The following AGBL4 variants were observed in gnomAD, a reference collection of about 807,000 sequenced individuals.
AGBL4 encodes AGBL carboxypeptidase 4.
A neutral mutation model predicts 66.4 loss-of-function variants in AGBL4; 58 were observed. The ratio of observed to expected loss-of-function variants is 0.87; its 90% CI spans 0.71 to 1.09. AGBL4 has a LOEUF of 1.09. AGBL4 is among the 50% of genes least tolerant of loss of function. The pLI is 0.00. For synonymous variants in AGBL4, 234 were observed against 222.9 expected (o/e 1.05, Z -0.44); for missense variants, 579 against 631.0 (o/e 0.92, Z 0.88).
chr1:49,255,370 G>A (rs182964706), intron 3 of AGBL4, among the ~76,000 whole-genome samples: 29 of 152,110 alleles, frequency 1.9e-4, no homozygotes, highest in South Asian at 1.0e-3. Flanking sequence ...AAGATTACAC[G>A]CTTTTCAAAA....
At chr1:49,324,725 A>C (rs1352753108) in intron 3 of AGBL4, among the ~76,000 whole-genome samples, 4 of 152,184 alleles carry the variant, frequency 2.6e-5, no homozygotes, top group Non-Finnish European at 5.9e-5. Context: ...AAATCTCTAA[A>C]TATCAGCTCC....
chr1:49,920,632 C>G (rs980915926), intron 1 of AGBL4, among the ~76,000 whole-genome samples: 4 of 152,120 alleles, frequency 2.6e-5, no homozygotes, highest in African/African-American at 7.2e-5. Flanking sequence ...AACACTTTTA[C>G]ACTCTTGGTG....
chr1:48,732,350 C>T (rs1391229182), intron 6 of AGBL4, among the ~76,000 whole-genome samples: 1 of 152,170 alleles, frequency 6.6e-6, no homozygotes, highest in Non-Finnish European at 1.5e-5. Flanking sequence ...GAGTCAAATA[C>T]AGATTTGGGA....
intron 11 of AGBL4, among the ~76,000 whole-genome samples, chr1:48,560,036 T>A (rs987824502): frequency 6.6e-6 from 1 of 152,156 alleles, no homozygotes; most frequent in African/African-American, 2.4e-5. Flanking sequence ...AGGCTTAGCC[T>A]AGAAGCTACC....
chr1:48,857,789 G>C (rs1333113920), intron 6 of AGBL4, among the ~76,000 whole-genome samples: 1 of 151,868 alleles, frequency 6.6e-6, no homozygotes, highest in African/African-American at 2.4e-5. Context: ...TCTTAGATAT[G>C]ATATAAAAAT....
At chr1:49,877,888 G>T (rs984871916) in intron 1 of AGBL4, among the ~76,000 whole-genome samples, 3 of 152,040 alleles carry the variant, frequency 2.0e-5, no homozygotes, top group Non-Finnish European at 4.4e-5. Context: ...TTAGTCTTGG[G>T]AGAGTGTATG....
intron 4 of AGBL4, among the ~76,000 whole-genome samples, chr1:49,181,129 A>G (rs1274491454): frequency 6.6e-6 from 1 of 152,104 alleles, no homozygotes; most frequent in African/African-American, 2.4e-5. Flanking sequence ...CCCTCTACCC[A>G]GACAAACCAA....
chr1:48,641,410 T>C (rs1301797803), intron 8 of AGBL4, among the ~76,000 whole-genome samples: 1 of 152,148 alleles, frequency 6.6e-6, no homozygotes, highest in Non-Finnish European at 1.5e-5. Context: ...CACCAAGATA[T>C]TTAAAGCATT....
intron 3 of AGBL4, among the ~76,000 whole-genome samples, chr1:49,658,333 G>T (rs1030860303): frequency 6.6e-6 from 1 of 152,170 alleles, no homozygotes; most frequent in African/African-American, 2.4e-5. Flanking sequence ...AGTTAGAAGG[G>T]TGATCATTAA....
intron 4 of AGBL4, among the ~76,000 whole-genome samples, chr1:49,115,248 T>C (rs1175246010): frequency 6.6e-6 from 1 of 152,170 alleles, no homozygotes; most frequent in African/African-American, 2.4e-5. Context: ...ATTTTACAGA[T>C]GGGAACTTGT....
intron 6 of AGBL4, among the ~76,000 whole-genome samples, chr1:48,854,566 G>T (rs1468676693): frequency 1.3e-5 from 2 of 152,128 alleles, no homozygotes; most frequent in Non-Finnish European, 2.9e-5. Flanking sequence ...AATGGCCACA[G>T]AGATAGTCAC....
chr1:49,062,585 G>A (rs1301778544), intron 4 of AGBL4, among the ~76,000 whole-genome samples: 2 of 152,188 alleles, frequency 1.3e-5, no homozygotes, highest in Non-Finnish European at 2.9e-5. Flanking sequence ...GAAAAGGAAG[G>A]TGGAGGCCAT....
At chr1:49,829,466 T>G (rs937854917) in intron 2 of AGBL4, among the ~76,000 whole-genome samples, 1 of 152,222 alleles carries the variant, frequency 6.6e-6, no homozygotes, top group Admixed American at 6.5e-5. Context: ...ACTATCAAAT[T>G]ACATCAGTAT....
chr1:48,652,980 A>T (rs1645955910), intron 8 of AGBL4, among the ~76,000 whole-genome samples: 1 of 152,260 alleles, frequency 6.6e-6, no homozygotes, highest in African/African-American at 2.4e-5. Context: ...AGCTCTCACA[A>T]CTGCCCTTTC....
intron 11 of AGBL4, among the ~76,000 whole-genome samples, chr1:48,576,494 C>T (rs1644655478): frequency 6.6e-6 from 1 of 152,148 alleles, no homozygotes; most frequent in Non-Finnish European, 1.5e-5. Flanking sequence ...TTACCAGTTC[C>T]TCATATATCA....
intron 5 of AGBL4, among the ~76,000 whole-genome samples, chr1:48,935,816 G>A (rs111913619): frequency 0.011 from 1,716 of 151,242 alleles, 32 homozygotes; most frequent in African/African-American, 0.039. Context: ...AAAATCAGCT[G>A]GGCGTGGTAG....
intron 3 of AGBL4, among the ~76,000 whole-genome samples, chr1:49,470,675 T>G (rs1469060976): frequency 1.3e-5 from 2 of 152,036 alleles, no homozygotes; most frequent in Admixed American, 1.3e-4. Context: ...CAAAAGTTAC[T>G]ACCCCTTCCC....
At chr1:49,930,440 T>C (rs1026632132) in intron 1 of AGBL4, among the ~76,000 whole-genome samples, 2 of 152,216 alleles carry the variant, frequency 1.3e-5, no homozygotes, top group Admixed American at 1.3e-4. Flanking sequence ...AGAATGCCAG[T>C]ATTATTCTGG....
intron 3 of AGBL4, among the ~76,000 whole-genome samples, chr1:49,406,368 C>G (rs1645197452): frequency 6.6e-6 from 1 of 152,136 alleles, no homozygotes; most frequent in Admixed American, 6.5e-5. Context: ...TTTATTTCAT[C>G]AAAACCAATA....
Sources: allele counts gnomAD v4.1 joint callset (sites outside exome capture counted in the v4.1 genomes callset), GRCh38; gene constraint gnomAD v4.1.1; transcripts MANE v1.5; gene names NCBI Gene and HGNC (gene_info 2026-07-23, HGNC 2026-07-21).